The following PTPRD variants were observed in gnomAD, a reference collection of about 807,000 sequenced individuals.
PTPRD encodes protein tyrosine phosphatase receptor type D, also known as receptor-type tyrosine-protein phosphatase delta.
A neutral mutation model predicts 214.5 loss-of-function variants in PTPRD; 34 were observed. That is an observed-to-expected ratio of 0.16 (90% CI 0.12 to 0.21). The LOEUF is 0.21. PTPRD is among the 10% of genes least tolerant of loss of function. PTPRD has a pLI of 1.00. For synonymous variants in PTPRD, 1,128 were observed against 845.7 expected (o/e 1.33, Z -5.79); for missense variants, 2,545 against 2,398.7 (o/e 1.06, Z -1.27).
intron 4 of PTPRD, among the ~76,000 whole-genome samples, chr9:9,968,827 A>C (rs2094895102): frequency 6.6e-6 from 1 of 152,196 alleles, no homozygotes; most frequent in African/African-American, 2.4e-5. Context: ...GAAAGGAAAG[A>C]AAACTTAATG....
intron 6 of PTPRD, among the ~76,000 whole-genome samples, chr9:9,755,432 T>C (rs926680298): frequency 6.6e-6 from 1 of 152,106 alleles, no homozygotes; most frequent in Non-Finnish European, 1.5e-5. Flanking sequence ...GATTGTATTT[T>C]TGGAAGAATA....
chr9:10,494,523 T>C (rs2041422789), intron 2 of PTPRD, among the ~76,000 whole-genome samples: 1 of 151,684 alleles, frequency 6.6e-6, no homozygotes, highest in South Asian at 2.1e-4. Context: ...AGAGGTCAGA[T>C]GACTTGATTA....
At chr9:8,615,707 C>A (rs1022833443) in intron 14 of PTPRD, among the ~76,000 whole-genome samples, 2 of 151,532 alleles carry the variant, frequency 1.3e-5, no homozygotes, top group African/African-American at 4.9e-5. Flanking sequence ...TGTATTCTAA[C>A]TTAAAATTAG....
At chr9:10,184,900 CT>C (rs1320337867) in intron 3 of PTPRD, among the ~76,000 whole-genome samples, 1 of 152,036 alleles carries the variant, frequency 6.6e-6, no homozygotes, top group Non-Finnish European at 1.5e-5. Context: ...CACATCACAC[CT>C]GAAGGGCAGG....
intron 33 of PTPRD, among the ~76,000 whole-genome samples, chr9:8,457,544 G>C (rs1287191820): frequency 1.3e-5 from 2 of 151,932 alleles, no homozygotes; most frequent in Admixed American, 1.3e-4. Flanking sequence ...CCAGATCAAA[G>C]AGTATGCCAT....
intron 14 of PTPRD, among the ~76,000 whole-genome samples, chr9:8,570,192 T>C (rs1313814958): frequency 2.0e-5 from 3 of 151,638 alleles, no homozygotes; most frequent in South Asian, 4.2e-4. Flanking sequence ...AATAGGGAGA[T>C]TTTTATATGT....
chr9:10,354,952 C>T (rs1457168635), intron 2 of PTPRD, among the ~76,000 whole-genome samples: 1 of 152,110 alleles, frequency 6.6e-6, no homozygotes, highest in East Asian at 1.9e-4. Context: ...ATGCTAAAAT[C>T]AATTTTTACA....
chr9:9,351,281 C>A (rs1469526494), intron 9 of PTPRD, among the ~76,000 whole-genome samples: 1 of 151,942 alleles, frequency 6.6e-6, no homozygotes, highest in African/African-American at 2.4e-5. Flanking sequence ...AAAGAGGAAA[C>A]AAAGGTAATC....
intron 5 of PTPRD, among the ~76,000 whole-genome samples, chr9:9,811,747 T>G (rs2047219805): frequency 6.6e-6 from 1 of 152,094 alleles, no homozygotes; most frequent in African/African-American, 2.4e-5. Context: ...TGGAACCTAC[T>G]CCTGATGAAG....
chr9:9,049,313 G>C (rs1554682480), intron 10 of PTPRD, among the ~76,000 whole-genome samples: 1 of 152,186 alleles, frequency 6.6e-6, no homozygotes, highest in Non-Finnish European at 1.5e-5. Flanking sequence ...TGGAACCCTA[G>C]TTGGAAAATC....
At chr9:9,862,870 G>T (rs183713587) in intron 5 of PTPRD, among the ~76,000 whole-genome samples, 2 of 152,132 alleles carry the variant, frequency 1.3e-5, no homozygotes, top group Admixed American at 6.5e-5. Context: ...GTTTTCTTGT[G>T]CCTTTTCTGT....
At chr9:9,785,915 G>A (rs540988802) in intron 5 of PTPRD, among the ~76,000 whole-genome samples, 1 of 152,150 alleles carries the variant, frequency 6.6e-6, no homozygotes, top group South Asian at 2.1e-4. Context: ...CTTCAAGTAG[G>A]TCATGATGAA....
chr9:8,735,471 G>A (rs1227391046), intron 11 of PTPRD, among the ~76,000 whole-genome samples: 1 of 152,040 alleles, frequency 6.6e-6, no homozygotes, highest in Non-Finnish European at 1.5e-5. Context: ...TACAGGACTG[G>A]GTCACATATT....
chr9:8,935,777 G>A (rs535250532), intron 11 of PTPRD, among the ~76,000 whole-genome samples: 2 of 152,284 alleles, frequency 1.3e-5, no homozygotes, highest in South Asian at 4.1e-4. Context: ...ACAGGATAGT[G>A]ATTCTTACTA....
At chr9:9,116,631 C>T (rs1241072366) in intron 10 of PTPRD, among the ~76,000 whole-genome samples, 1 of 152,052 alleles carries the variant, frequency 6.6e-6, no homozygotes, top group Non-Finnish European at 1.5e-5. Flanking sequence ...TTCTTAAATG[C>T]ATTTTAGCAA....
At chr9:8,417,052 G>T (rs75193318) in intron 35 of PTPRD, among the ~76,000 whole-genome samples, 7,315 of 151,846 alleles carry the variant, frequency 0.048, 274 homozygotes, top group African/African-American at 0.11. Flanking sequence ...AAAAACTGTG[G>T]ACAGTAAGGA....
intron 8 of PTPRD, among the ~76,000 whole-genome samples, chr9:9,558,212 G>A (rs1290373740): frequency 6.6e-6 from 1 of 152,194 alleles, no homozygotes; most frequent in Non-Finnish European, 1.5e-5. Context: ...AGCCTGTACA[G>A]TGTTAGCAGG....
intron 2 of PTPRD, among the ~76,000 whole-genome samples, chr9:10,564,195 T>TTTTTTTTTTTTTTTTTTTTTA (rs1566955309): frequency 7.3e-6 from 1 of 136,480 alleles, no homozygotes; most frequent in Non-Finnish European, 1.6e-5. Flanking sequence ...TTTTTTTTTT[T>TTTTTTTTTTTTTTTTTTTTTA]GAGACATAGG....
At chr9:10,084,738 T>C (rs1055628745) in intron 3 of PTPRD, among the ~76,000 whole-genome samples, 3 of 152,002 alleles carry the variant, frequency 2.0e-5, no homozygotes, top group Non-Finnish European at 4.4e-5. Context: ...CCTTAGATAA[T>C]ATGTAAAACA....
Sources: gnomAD v4.1 joint callset for allele counts (sites outside exome capture counted in the v4.1 genomes callset) on GRCh38, gnomAD v4.1.1 for gene constraint, MANE v1.5 for transcripts, NCBI Gene and HGNC (gene_info 2026-07-23, HGNC 2026-07-21) for gene names.